CEP170: variants seen among roughly 807,000 people sequenced by gnomAD.
CEP170 encodes the protein centrosomal protein 170, also known as centrosomal protein of 170 kDa.
CEP170 carries 21 observed loss-of-function variants against 151.9 expected under a neutral mutation model. The ratio of observed to expected loss-of-function variants is 0.14; its 90% CI spans 0.10 to 0.20. The LOEUF (loss-of-function observed/expected upper bound fraction) is 0.20, where lower values mean the gene tolerates loss of function less well. Ranked by LOEUF, CEP170 falls within the 10% of genes least tolerant of loss-of-function variation. The pLI, the probability that CEP170 is intolerant of heterozygous loss-of-function variation, is 1.00. For missense variants in CEP170, 964 were observed against 1,892.9 expected, an observed-to-expected ratio of 0.51 and a Z score of 9.11; for synonymous variants, 356 against 648.8, an observed-to-expected ratio of 0.55 and a Z score of 6.86.
chr1:243,255,564 C>T (rs1158338396), upstream of CEP170, among the ~76,000 whole-genome samples: 1 of 152,226 alleles, frequency 6.6e-6, no homozygotes, highest in African/African-American at 2.4e-5. Context: ...GTAGTGTCGG[C>T]CGCCTTTACA....
At chr1:243,231,166 C>T (rs1360360273) in intron 1 of CEP170, among the ~76,000 whole-genome samples, 2 of 116,542 alleles carry the variant, frequency 1.7e-5, no homozygotes, top group Admixed American at 2.0e-4. Flanking sequence ...TCATCATCAT[C>T]ATCATCATCA....
At chr1:243,226,179 A>G (rs1246386120) in intron 1 of CEP170, among the ~76,000 whole-genome samples, 4 of 36,320 alleles carry the variant, frequency 1.1e-4, no homozygotes, top group African/African-American at 3.6e-4. Flanking sequence ...ATATATATAT[A>G]TCTAGATATA....
intron 14 of CEP170, among the ~76,000 whole-genome samples, chr1:243,143,755 G>C (rs2056156200): frequency 6.7e-6 from 1 of 150,238 alleles, no homozygotes; most frequent in Admixed American, 6.6e-5. Context: ...AAAGAGCCTA[G>C]GAGGTCTGGT....
At chr1:243,235,459 G>T (rs1260466238) in intron 1 of CEP170, among the ~76,000 whole-genome samples, 3 of 151,438 alleles carry the variant, frequency 2.0e-5, no homozygotes, top group African/African-American at 7.3e-5. Context: ...TGCTTTTTTT[G>T]GATACTTACC....
intron 12 of CEP170, 174 bp downstream of exon 12, chr1:243,169,454 T>C (rs958085496): frequency 6.2e-5 from 78 of 1,250,970 alleles, no homozygotes; most frequent in Non-Finnish European, 8.2e-5. Context: ...CATGAGAATA[T>C]GTGAATATGT....
chr1:243,131,914 T>C (rs371681778), intron 17 of CEP170, among the ~76,000 whole-genome samples: 189 of 141,912 alleles, frequency 1.3e-3, no homozygotes, highest in Middle Eastern at 3.4e-3. Context: ...TCCTATTCTA[T>C]GAGCCATAAC....
chr1:243,240,443 C>T (rs1488577284), intron 1 of CEP170, among the ~76,000 whole-genome samples: 1 of 152,158 alleles, frequency 6.6e-6, no homozygotes, highest in Non-Finnish European at 1.5e-5. Context: ...GACGTTCCAC[C>T]TTATTTCCCT....
intron 6 of CEP170, 48 bp downstream of exon 6, chr1:243,200,470 T>A: frequency 6.3e-7 from 1 of 1,580,918 alleles, no homozygotes; most frequent in Non-Finnish European, 8.6e-7. Context: ...GCATGCAGTG[T>A]CTTCAAGATC....
chr1:243,216,801 T>C (rs2062343414), intron 3 of CEP170, among the ~76,000 whole-genome samples: 1 of 152,150 alleles, frequency 6.6e-6, no homozygotes, highest in African/African-American at 2.4e-5. Flanking sequence ...GAAATTGTAA[T>C]ACAAAGAAAA....
At chr1:243,172,609 G>A in intron 11 of CEP170, 88 bp downstream of exon 11, 1 of 1,170,132 alleles carries the variant, frequency 8.5e-7, no homozygotes, top group Non-Finnish European at 1.1e-6. Flanking sequence ...TCCAGCCTGG[G>A]CAACAGAGTG....
intron 10 of CEP170, among the ~76,000 whole-genome samples, chr1:243,173,101 C>T (rs1385311295): frequency 1.3e-5 from 2 of 151,628 alleles, no homozygotes; most frequent in East Asian, 3.9e-4. Flanking sequence ...ACTCTTGTTG[C>T]CCAGGCTGGA....
intron 2 of CEP170, among the ~76,000 whole-genome samples, chr1:243,223,904 A>C (rs569040702): frequency 8.5e-5 from 13 of 152,330 alleles, no homozygotes; most frequent in African/African-American, 2.6e-4. Context: ...AAATGTATAT[A>C]AAGTATCAAT....
At chr1:243,137,745 G>C (rs1457575593) in intron 16 of CEP170, among the ~76,000 whole-genome samples, 1 of 150,548 alleles carries the variant, frequency 6.6e-6, no homozygotes, top group Admixed American at 6.6e-5. Context: ...ACTGCCCTCC[G>C]GCCTGGTGAC....
chr1:243,199,712 C>A (rs1297582833), intron 6 of CEP170, among the ~76,000 whole-genome samples: 1 of 151,144 alleles, frequency 6.6e-6, no homozygotes, highest in African/African-American at 2.4e-5. Flanking sequence ...TAGTTCTTAA[C>A]AGAACTAACA....
At chr1:243,220,405 T>C (rs1412058463) in intron 3 of CEP170, among the ~76,000 whole-genome samples, 2 of 151,642 alleles carry the variant, frequency 1.3e-5, no homozygotes, top group East Asian at 3.9e-4. Flanking sequence ...TCTACATGCT[T>C]TGAGAAAAAA....
chr1:243,139,960 G>T lies in CEP170; in HGVS notation c.4207C>A (p.Arg1403=), dbSNP rs747106206. 29 of 1,611,816 alleles carry T rather than the reference G, an allele frequency of 1.8e-5. No individual in the cohort carries two copies. Among genetic ancestry groups the T allele is most frequent in the African/African-American group, 9.4e-5 (7 of 74,816 alleles). Residue 1403 remains arginine (R), a synonymous_variant, in exon 16 of 20, where the codon CGG becomes AGG. Transcript: ENST00000366542. ...ACTTCATCCCTGCTCCAGGTTCTCC[G>T]CCTTGTAATTGTTAAGTGATCGGGA... is the stretch of plus-strand genomic sequence containing the variant. ...EPPDHLTITR[R]RTWSRDEVMG... is the part of the protein sequence containing the mutation.
At chr1:243,245,045 C>G (rs900517547) in intron 1 of CEP170, among the ~76,000 whole-genome samples, 4 of 152,032 alleles carry the variant, frequency 2.6e-5, no homozygotes, top group African/African-American at 9.7e-5. Flanking sequence ...GTATCTGTTA[C>G]CCAAAAGTTG....
chr1:243,186,136 A>G (rs1257597852), intron 9 of CEP170, 64 bp from the exon 10 acceptor site: 1 of 1,613,366 alleles, frequency 6.2e-7, no homozygotes. Flanking sequence ...CAAGTTTTGT[A>G]TGTGGTGTTG....
intron 4 of CEP170, among the ~76,000 whole-genome samples, chr1:243,206,197 G>A (rs1335602246): frequency 3.9e-5 from 6 of 152,182 alleles, no homozygotes; most frequent in South Asian, 2.1e-4. Context: ...GCAGAGGTAC[G>A]ATCTTGGCTC....
Sources: gnomAD v4.1 joint callset for allele counts (sites outside exome capture counted in the v4.1 genomes callset) on GRCh38, gnomAD v4.1.1 for gene constraint, MANE v1.5 for transcripts, NCBI Gene and HGNC (gene_info 2026-07-23, HGNC 2026-07-21) for gene names.